The following LPP variants were observed in gnomAD, a reference collection of about 807,000 sequenced individuals.
LPP encodes LIM domain containing preferred translocation partner in lipoma, also known as lipoma-preferred partner.
Under a neutral mutation model 60.4 loss-of-function variants are expected in LPP, and 38 were observed. The observed-to-expected ratio is 0.63, with a 90% CI of 0.49 to 0.83. The LOEUF (loss-of-function observed/expected upper bound fraction) is 0.83. Ranked by LOEUF, LPP falls within the 40% of genes least tolerant of loss-of-function variation. The pLI is 0.00. For missense variants in LPP, 902 were observed against 783.6 expected (o/e 1.15, Z -1.80); for synonymous variants, 328 against 290.8 (o/e 1.13, Z -1.30).
intron 9 of LPP, among the ~76,000 whole-genome samples, chr3:188,861,356 GT>G: frequency 6.6e-6 from 1 of 151,902 alleles, no homozygotes; most frequent in Non-Finnish European, 1.5e-5. Context: ...TCACGATATT[GT>G]TTTTGTACCT....
chr3:188,809,512 C>G (rs1055981257), intron 9 of LPP, among the ~76,000 whole-genome samples: 1 of 152,118 alleles, frequency 6.6e-6, no homozygotes, highest in African/African-American at 2.4e-5. Flanking sequence ...ATCCTTTGCC[C>G]ACTTTTTGAT....
rs768358623 is a variant in LPP, at chr3:188,250,724, C to CTCTTTCTTTCTT, written c.-67+25249_-67+25260dup. Among the ~76,000 whole-genome samples, 142 of 118,596 alleles carry CTCTTTCTTTCTT rather than the reference C, an allele frequency of 1.2e-3. 1 individual carries two copies. Among genetic ancestry groups the CTCTTTCTTTCTT allele is most frequent in the East Asian group, 4.1e-3 (17 of 4,142 alleles). 77.8% of individuals were successfully genotyped at this position (118,596 alleles called of 152,430 possible). A position where few individuals can be genotyped will look rare whatever the true frequency, so the allele number is the denominator to read the frequency against. On this transcript the variant is annotated intron_variant, in intron 2 of 11. Coordinates refer to ENST00000617246, the MANE Select transcript of LPP (RefSeq NM_001375462.1). ...TTTCCTCTTTCTTTTCTTTCTTTCTCTCTTTCTTTCTTTCTTTCTTTCTTT... is the reference window on the plus strand; with the variant it reads ...TTTCCTCTTTCTTTTCTTTCTTTCTCTCTTTCTTTCTTTCTTTCTTTCTTTCTTTCTTTCTTT...
chr3:188,617,360 T>C (rs4686985), intron 7 of LPP, among the ~76,000 whole-genome samples: 62,234 of 152,056 alleles, frequency 0.41, 12,917 homozygotes, highest in South Asian at 0.59. Flanking sequence ...TTCTTCTCTA[T>C]ATTGGTTAAG....
At chr3:188,290,464 G>A (rs569970521) in intron 2 of LPP, among the ~76,000 whole-genome samples, 25 of 152,080 alleles carry the variant, frequency 1.6e-4, no homozygotes, top group East Asian at 7.8e-4. Flanking sequence ...GTTAGAATGC[G>A]TAGAGCATGT....
Position 188,352,072 on chromosome 3 carries a change from T to TG in LPP, c.-10+10353_-10+10354insG, listed in dbSNP as rs1766021769. Among the ~76,000 whole-genome samples, 1 of 152,212 alleles carries TG rather than the reference T, an allele frequency of 6.6e-6. No homozygotes were observed. Among genetic ancestry groups the TG allele is most frequent in the African/African-American group, 2.4e-5 (1 of 41,440 alleles). On this transcript the variant is annotated intron_variant, in intron 3 of 11. Coordinates refer to ENST00000617246, the MANE Select transcript of LPP (RefSeq NM_001375462.1). The surrounding 1 kb of genome is among the most constrained non-coding windows in gnomAD (Gnocchi z 4.4). ...TCCCCCCTTGTCATTTTTCTTCTAT[T>TG]ACTTTTGCTTCTTCCCCTTCCTCCT... is the stretch of plus-strand genomic sequence containing the variant.
chr3:188,347,116 T>G (rs1764607109), intron 3 of LPP, among the ~76,000 whole-genome samples: 1 of 152,154 alleles, frequency 6.6e-6, no homozygotes, highest in South Asian at 2.1e-4. Flanking sequence ...TTACAGCTAA[T>G]AAATATAAAA....
intron 2 of LPP, among the ~76,000 whole-genome samples, chr3:188,268,042 CT>C (rs1423756514): frequency 9.9e-5 from 5 of 50,574 alleles, no homozygotes; most frequent in African/African-American, 2.8e-4. Flanking sequence ...TTTTTTTTTG[CT>C]GAGTTTGCAT....
chr3:188,765,589 A>G (rs1733775211), intron 9 of LPP, among the ~76,000 whole-genome samples: 1 of 152,190 alleles, frequency 6.6e-6, no homozygotes, highest in Non-Finnish European at 1.5e-5. Flanking sequence ...GTCTCATTTT[A>G]CAAATGTGGC....
chr3:188,717,580 G>T (rs183768176), intron 8 of LPP, among the ~76,000 whole-genome samples: 33 of 152,140 alleles, frequency 2.2e-4, no homozygotes, highest in Admixed American at 5.2e-4. Context: ...GGGGAAAAAT[G>T]GGTTTTTTGG....
intron 9 of LPP, among the ~76,000 whole-genome samples, chr3:188,865,089 T>C (rs1162890357): frequency 6.6e-6 from 1 of 152,174 alleles, no homozygotes. Context: ...AAGATCCACA[T>C]CCCGGGTTTA....
intron 4 of LPP, among the ~76,000 whole-genome samples, chr3:188,483,682 C>A (rs932422432): frequency 1.3e-5 from 2 of 152,056 alleles, no homozygotes; most frequent in African/African-American, 2.4e-5. Flanking sequence ...ACTCTGACAG[C>A]AGTGTGCTTC....
intron 9 of LPP, among the ~76,000 whole-genome samples, chr3:188,843,502 T>C (rs1042225762): frequency 1.3e-5 from 2 of 152,186 alleles, no homozygotes; most frequent in Non-Finnish European, 2.9e-5. Context: ...AAATCCCTCC[T>C]CTGGGCTGGG....
intron 4 of LPP, among the ~76,000 whole-genome samples, 168 bp downstream of exon 4, chr3:188,406,481 C>T (rs375952657): frequency 4.6e-5 from 7 of 152,170 alleles, no homozygotes; most frequent in Non-Finnish European, 5.9e-5. Context: ...AGACCAACCC[C>T]GTCTTTTAGG....
chr3:188,887,691 G>A lies in LPP; in HGVS notation c.*13212G>A, dbSNP rs1046386547. On this transcript the variant is annotated 3_prime_UTR_variant, in exon 12 of 12. Transcript: ENST00000617246. ...CAAATTGAAACTAACATGGGACCAT[G>A]CCATCCTTCTAGCATAATGGAGAAG... 2.8e-5 allele frequency: 6 copies of A among 213,066 alleles called. No homozygotes were observed. Among genetic ancestry groups the A allele is most frequent in the Non-Finnish European group, 5.7e-5 (6 of 105,244 alleles). The allele number at this position is 213,066 out of a possible 1,614,324, so 13.2% of individuals were successfully genotyped here. A position where few individuals can be genotyped will look rare whatever the true frequency, so the allele number is the denominator to read the frequency against.
chr3:188,411,979 C>CTG (rs569155776), intron 4 of LPP, among the ~76,000 whole-genome samples: 3,775 of 149,310 alleles, frequency 0.025, 161 homozygotes, highest in African/African-American at 0.086. Flanking sequence ...CTCTGTCTCT[C>CTG]TCTCTCTCTC....
chr3:188,264,257 T>TTGTG (rs141464174), intron 2 of LPP, among the ~76,000 whole-genome samples: 2 of 151,108 alleles, frequency 1.3e-5, no homozygotes, highest in African/African-American at 4.9e-5. Context: ...AACATTAGTT[T>TTGTG]TGTGTGTGTG....
At chr3:188,873,841 T>C (rs937562920) in intron 11 of LPP, among the ~76,000 whole-genome samples, 8 of 152,162 alleles carry the variant, frequency 5.3e-5, no homozygotes, top group Non-Finnish European at 1.2e-4. Context: ...GCAGTTGAAG[T>C]AAATACACCG....
chr3:188,215,043 C>T (rs1227632475), intron 1 of LPP, among the ~76,000 whole-genome samples: 7 of 152,060 alleles, frequency 4.6e-5, no homozygotes, highest in Non-Finnish European at 8.8e-5. Context: ...TGGTGGCTCA[C>T]GCCTGTAATC....
chr3:188,497,457 A>G (rs1038327811), intron 5 of LPP, among the ~76,000 whole-genome samples: 3 of 152,178 alleles, frequency 2.0e-5, no homozygotes, highest in Admixed American at 2.0e-4. Context: ...TGTCATCCCC[A>G]TATTTAGAGC....
Sources: gnomAD v4.1 joint callset for allele counts (sites outside exome capture counted in the v4.1 genomes callset) on GRCh38, gnomAD v4.1.1 for gene constraint, Gnocchi (gnomAD v3.1) non-coding constraint, MANE v1.5 for transcripts, NCBI Gene and HGNC (gene_info 2026-07-23, HGNC 2026-07-21) for gene names.